The following HSF2BP variants were observed in gnomAD, a reference collection of about 807,000 sequenced individuals.
HSF2BP encodes the protein heat shock factor 2-binding protein.
A neutral mutation model predicts 35.0 loss-of-function variants in HSF2BP; 35 were observed. That is an observed-to-expected ratio of 1.00 (90% CI 0.76 to 1.32). The LOEUF is 1.32. Among genes scored for constraint, HSF2BP ranks in the 40% most tolerant of loss-of-function variants. The pLI is 0.00. For synonymous variants in HSF2BP, 114 were observed against 117.4 expected, an observed-to-expected ratio of 0.97 and a Z score of 0.18; for missense variants, 326 against 321.7, an observed-to-expected ratio of 1.01 and a Z score of -0.10.
At chr21:43,573,835 A>G (rs1049082664) in intron 8 of HSF2BP, among the ~76,000 whole-genome samples, 41 of 152,272 alleles carry the variant, frequency 2.7e-4, no homozygotes, top group African/African-American at 9.4e-4. Flanking sequence ...GCTCATCTGC[A>G]TCCAGCTCCC....
At chr21:43,576,840 T>G (rs527698521) in intron 8 of HSF2BP, among the ~76,000 whole-genome samples, 1 of 151,728 alleles carries the variant, frequency 6.6e-6, no homozygotes, top group Admixed American at 6.5e-5. Context: ...CAATTTCACT[T>G]ATTATTAATA....
At chr21:43,599,615 G>A (rs1471289948) in intron 7 of HSF2BP, among the ~76,000 whole-genome samples, 2 of 151,990 alleles carry the variant, frequency 1.3e-5, no homozygotes, top group African/African-American at 4.8e-5. Flanking sequence ...CCAACATGGT[G>A]AAACCTCATC....
At chr21:43,586,269 G>A (rs544133426) in intron 8 of HSF2BP, among the ~76,000 whole-genome samples, 2 of 152,288 alleles carry the variant, frequency 1.3e-5, no homozygotes, top group East Asian at 3.9e-4. Context: ...CAGCCATGTA[G>A]CTGAACGAAG....
At chr21:43,611,540 T>G (rs1030068081) in intron 7 of HSF2BP, among the ~76,000 whole-genome samples, 2 of 152,230 alleles carry the variant, frequency 1.3e-5, no homozygotes, top group African/African-American at 4.8e-5. Context: ...TTTCCTTTAG[T>G]GTCCCTGGCC....
intron 8 of HSF2BP, among the ~76,000 whole-genome samples, chr21:43,591,336 T>C (rs1194773029): frequency 6.6e-6 from 1 of 152,200 alleles, no homozygotes; most frequent in Non-Finnish European, 1.5e-5. Flanking sequence ...TTACCCAAAT[T>C]ATTTAACAAT....
intron 3 of HSF2BP, 81 bp downstream of exon 3, chr21:43,656,506 C>G: frequency 7.5e-7 from 1 of 1,331,280 alleles, no homozygotes; most frequent in Non-Finnish European, 1.0e-6. Context: ...CCTTAAAATT[C>G]GTTTACAATT....
intron 7 of HSF2BP, among the ~76,000 whole-genome samples, chr21:43,604,453 CCA>C (rs560765349): frequency 0.013 from 1,749 of 136,104 alleles, 12 homozygotes; most frequent in Non-Finnish European, 0.018. Flanking sequence ...CACGCACACA[CCA>C]CACACACAAC....
At chr21:43,638,922 G>C (rs1431825608) in intron 4 of HSF2BP, among the ~76,000 whole-genome samples, 1 of 152,210 alleles carries the variant, frequency 6.6e-6, no homozygotes, top group Non-Finnish European at 1.5e-5. Flanking sequence ...TGTCGCTACA[G>C]TAATCAGAAT....
intron 8 of HSF2BP, among the ~76,000 whole-genome samples, chr21:43,584,435 T>C (rs1293862612): frequency 2.6e-5 from 4 of 152,178 alleles, no homozygotes; most frequent in Non-Finnish European, 5.9e-5. Context: ...TTTTATTCTG[T>C]TGGGGCTCCA....
Position 43,656,660 on chromosome 21 carries a change from T to C in HSF2BP, c.114A>G (p.Ile38Met). The change falls in exon 3 of 9, where the codon ATA becomes ATG. Residue 38 changes from isoleucine (I) to methionine (M), a missense_variant. By Grantham distance (10) the Ile-to-Met change is conservative. Coordinates refer to ENST00000291560, the MANE Select transcript of HSF2BP (RefSeq NM_007031.2). ...LERLTTEVMQ[I>M]RDFLPRILNG... ...TTAGTATTCTGGGTAAGAAGTCCCG[T>C]ATTTGCATCACTTCAGTTGTCAGCC... The C allele has an allele frequency of 1.2e-6, 2 of 1,613,998 alleles. No individual in the cohort carries two copies. Among genetic ancestry groups the C allele is most frequent in the Non-Finnish European group, 1.7e-6 (2 of 1,179,862 alleles).
chr21:43,579,233 A>T (rs997833020), intron 8 of HSF2BP, among the ~76,000 whole-genome samples: 2 of 152,228 alleles, frequency 1.3e-5, no homozygotes, highest in Non-Finnish European at 2.9e-5. Context: ...CAACAATCCT[A>T]AACACCCAGA....
At chr21:43,645,221 C>T (rs186921606) in intron 3 of HSF2BP, among the ~76,000 whole-genome samples, 9 of 152,304 alleles carry the variant, frequency 5.9e-5, no homozygotes, top group African/African-American at 1.7e-4. Context: ...TGCTTTAGGA[C>T]AATGATTCTC....
chr21:43,576,265 T>G (rs986703577), intron 8 of HSF2BP, among the ~76,000 whole-genome samples: 3 of 152,224 alleles, frequency 2.0e-5, no homozygotes, highest in Non-Finnish European at 4.4e-5. Context: ...GTTTCCTATT[T>G]GTTTTGTGAG....
At chr21:43,648,319 G>A (rs1211566411) in intron 3 of HSF2BP, among the ~76,000 whole-genome samples, 1 of 152,180 alleles carries the variant, frequency 6.6e-6, no homozygotes, top group Non-Finnish European at 1.5e-5. Flanking sequence ...GATGACCAAG[G>A]ATGGGACATG....
Position 43,613,751 on chromosome 21 carries a change from T to A in HSF2BP, c.692+79A>T, listed in dbSNP as rs1014945088. On this transcript the variant is annotated intron_variant, in intron 7 of 8. Transcript: ENST00000291560. ...AAAACTACCACCAAAATTAACTGTG[T>A]TTACTTGAAGAGAGGCCCAATCAGC... The A allele has an allele frequency of 1.5e-5, 14 of 962,562 alleles. No individual in the cohort carries two copies. In the African/African-American group the frequency reaches 2.0e-4, roughly 13 times the overall value. 59.6% of individuals were successfully genotyped at this position (962,562 alleles called of 1,614,324 possible).
At chr21:43,596,903 A>AG (rs1455216516) in intron 7 of HSF2BP, among the ~76,000 whole-genome samples, 1,687 of 98,416 alleles carry the variant, frequency 0.017, 65 homozygotes, top group African/African-American at 0.071. Context: ...AAAAAAAAAA[A>AG]AAGAGAATTT....
chr21:43,633,827 A>G (rs1306232875), intron 4 of HSF2BP, among the ~76,000 whole-genome samples: 1 of 152,212 alleles, frequency 6.6e-6, no homozygotes, highest in Non-Finnish European at 1.5e-5. Context: ...GCCTCCTCCA[A>G]ATGGCTCACT....
At chr21:43,592,758 CCA>C (rs1052133749) in intron 7 of HSF2BP, among the ~76,000 whole-genome samples, 2 of 152,254 alleles carry the variant, frequency 1.3e-5, no homozygotes, top group Non-Finnish European at 2.9e-5. Context: ...ATCCAGGTAG[CCA>C]GGTCAGGCCA....
intron 8 of HSF2BP, among the ~76,000 whole-genome samples, chr21:43,572,436 C>T (rs947739404): frequency 6.6e-6 from 1 of 152,162 alleles, no homozygotes; most frequent in Non-Finnish European, 1.5e-5. Context: ...TGGGGCAAGA[C>T]GCACCCTCAG....
Sources: gnomAD v4.1 joint callset for allele counts (sites outside exome capture counted in the v4.1 genomes callset) on GRCh38, gnomAD v4.1.1 for gene constraint, MANE v1.5 for transcripts, NCBI Gene and HGNC (gene_info 2026-07-23, HGNC 2026-07-21) for gene names.